SCUBE1: variants seen among roughly 807,000 people sequenced by gnomAD.
The protein encoded by SCUBE1 is signal peptide, CUB and EGF-like domain-containing protein 1.
In SCUBE1, 59 loss-of-function variants were observed where a neutral mutation model predicts 124.4. The ratio of observed to expected loss-of-function variants is 0.47; its 90% CI spans 0.38 to 0.59. SCUBE1 has a LOEUF of 0.59. Among genes scored for constraint, SCUBE1 ranks in the 20% least tolerant of loss-of-function variants. The probability of loss-of-function intolerance (pLI) is 0.00; values close to 1 mark genes in which losing one functional copy is unlikely to be tolerated. For missense variants in SCUBE1, 1,150 were observed against 1,371.2 expected (o/e 0.84, Z 2.55); for synonymous variants, 545 against 550.9 (o/e 0.99, Z 0.15).
At chr22:43,296,606 G>A (rs1199495731) in intron 3 of SCUBE1, among the ~76,000 whole-genome samples, 1 of 152,236 alleles carries the variant, frequency 6.6e-6, no homozygotes, top group Non-Finnish European at 1.5e-5. Context: ...GAGGTAGAGT[G>A]GAGAGCGGGC....
intron 1 of SCUBE1, among the ~76,000 whole-genome samples, chr22:43,341,638 G>A (rs1927319912): frequency 6.6e-6 from 1 of 152,216 alleles, no homozygotes; most frequent in Non-Finnish European, 1.5e-5. Context: ...TGTGGAGTGT[G>A]GGGAGAGGAC....
intron 2 of SCUBE1, among the ~76,000 whole-genome samples, chr22:43,321,285 C>G (rs1280766080): frequency 6.6e-6 from 1 of 152,218 alleles, no homozygotes; most frequent in East Asian, 1.9e-4. Flanking sequence ...GCAGGCCTAG[C>G]TTCCCTCAAT....
intron 3 of SCUBE1, among the ~76,000 whole-genome samples, chr22:43,319,064 C>T (rs930439332): frequency 1.3e-5 from 2 of 152,110 alleles, no homozygotes; most frequent in South Asian, 2.1e-4. Context: ...GTATTTGGAC[C>T]ATGAGAAGAT....
At position 43,223,085 on chromosome 22, in the gene SCUBE1, G is replaced by T; in HGVS notation, c.1327+12C>A. ...TGCCACAGCATCCCATCTCAGGGACGGCCCGGGTTACCTGGCACGAAGAGT... is the reference window on the plus strand; with the variant it reads ...TGCCACAGCATCCCATCTCAGGGACTGCCCGGGTTACCTGGCACGAAGAGT... On this transcript the variant is annotated intron_variant, in intron 11 of 21. Transcript: ENST00000360835. The T allele has an allele frequency of 6.6e-7, 1 of 1,523,922 alleles. No individual in the cohort carries two copies. The highest frequency in any genetic ancestry group is 8.8e-7 in the Non-Finnish European group (1 of 1,138,742). 94.4% of individuals were successfully genotyped at this position (1,523,922 alleles called of 1,614,324 possible). A position where few individuals can be genotyped will look rare whatever the true frequency, so the allele number is the denominator to read the frequency against.
chr22:43,267,465 A>G (rs1311896415), intron 4 of SCUBE1, among the ~76,000 whole-genome samples: 1 of 152,232 alleles, frequency 6.6e-6, no homozygotes, highest in African/African-American at 2.4e-5. Flanking sequence ...TGCGTGTGCT[A>G]GAAACACAGC....
chr22:43,287,380 C>G (rs975426035), intron 4 of SCUBE1, among the ~76,000 whole-genome samples: 2 of 152,228 alleles, frequency 1.3e-5, no homozygotes, highest in African/African-American at 4.8e-5. Context: ...CAGCTAGGCC[C>G]TTTTTACAGC....
chr22:43,284,592 G>A (rs1925056072), intron 4 of SCUBE1, among the ~76,000 whole-genome samples: 1 of 152,218 alleles, frequency 6.6e-6, no homozygotes, highest in South Asian at 2.1e-4. Flanking sequence ...ATCCCCCAAA[G>A]CCACTGGCAA....
intron 3 of SCUBE1, among the ~76,000 whole-genome samples, chr22:43,301,386 G>A (rs1447829906): frequency 6.6e-6 from 1 of 151,984 alleles, no homozygotes; most frequent in Non-Finnish European, 1.5e-5. Context: ...CTCTGCCCAC[G>A]TCCCCCCGGG....
chr22:43,240,192 C>A (rs191824386), intron 6 of SCUBE1, among the ~76,000 whole-genome samples: 1 of 152,146 alleles, frequency 6.6e-6, no homozygotes, highest in African/African-American at 2.4e-5. Flanking sequence ...CCATCACCAC[C>A]GTAGGATGAG....
intron 2 of SCUBE1, among the ~76,000 whole-genome samples, chr22:43,337,168 T>C (rs1323887940): frequency 6.6e-6 from 1 of 152,134 alleles, no homozygotes; most frequent in Non-Finnish European, 1.5e-5. Context: ...GGTGAGAACA[T>C]GAAGCCTACA....
At chr22:43,328,646 A>C (rs1001794523) in intron 2 of SCUBE1, among the ~76,000 whole-genome samples, 12 of 152,208 alleles carry the variant, frequency 7.9e-5, no homozygotes, top group Non-Finnish European at 1.5e-4. Flanking sequence ...TGGCAATTTG[A>C]ACTCAAGGCT....
At chr22:43,236,328 A>G (rs2146683477) in intron 7 of SCUBE1, among the ~76,000 whole-genome samples, 1 of 152,350 alleles carries the variant, frequency 6.6e-6, no homozygotes, top group South Asian at 2.1e-4. Context: ...AGTTCTAGCC[A>G]GTCCCTTGGT....
intron 3 of SCUBE1, among the ~76,000 whole-genome samples, chr22:43,309,360 T>C (rs1272069239): frequency 6.6e-6 from 1 of 152,144 alleles, no homozygotes; most frequent in African/African-American, 2.4e-5. Context: ...GAAGCAGAAT[T>C]ACTTGCTCAA....
In SCUBE1 at chr22:43,210,609, G is replaced by GC. The variant is rs1297843277; in HGVS notation, c.2383+312dup. Among the ~76,000 whole-genome samples, 10 of 152,188 alleles carry GC rather than the reference G, an allele frequency of 6.6e-5. No individual in the cohort carries two copies. Among genetic ancestry groups the GC allele is most frequent in the East Asian group, 1.9e-4 (1 of 5,192 alleles). ...CTGTCAGTGCCCCTGTAGGCTGTCA[G>GC]CCCCCCCAGCAGACCCAGAAACTAG... On this transcript the variant is annotated intron_variant, in intron 18 of 21. Transcript: ENST00000360835. The surrounding 1 kb of genome is among the most constrained non-coding windows in gnomAD (Gnocchi z 4.5).
intron 16 of SCUBE1, among the ~76,000 whole-genome samples, chr22:43,213,847 G>A (rs1921679703): frequency 6.6e-6 from 1 of 152,312 alleles, no homozygotes; most frequent in East Asian, 1.9e-4. Flanking sequence ...ACCGAGTGCA[G>A]TGCAGCGCTC....
chr22:43,249,131 G>A (rs1923336789), intron 6 of SCUBE1, among the ~76,000 whole-genome samples: 1 of 152,132 alleles, frequency 6.6e-6, no homozygotes, highest in South Asian at 2.1e-4. Flanking sequence ...AAGAGGATGT[G>A]ACCCCTGGAG....
At chr22:43,327,374 C>A (rs893471313) in intron 2 of SCUBE1, among the ~76,000 whole-genome samples, 4 of 152,150 alleles carry the variant, frequency 2.6e-5, no homozygotes, top group South Asian at 2.1e-4. Flanking sequence ...TCCAGAAAAA[C>A]CAAATCTGCT....
chr22:43,239,250 C>T (rs1294654179), intron 6 of SCUBE1, among the ~76,000 whole-genome samples: 1 of 152,242 alleles, frequency 6.6e-6, no homozygotes, highest in East Asian at 1.9e-4. Flanking sequence ...CCAATAGGGT[C>T]AAAACTGCTA....
intron 4 of SCUBE1, among the ~76,000 whole-genome samples, chr22:43,276,529 A>G (rs942121061): frequency 6.6e-6 from 1 of 152,120 alleles, no homozygotes; most frequent in East Asian, 1.9e-4. Flanking sequence ...TCACAACCCA[A>G]TTTCCCTAAT....
Sources: allele counts gnomAD v4.1 joint callset (sites outside exome capture counted in the v4.1 genomes callset), GRCh38; gene constraint gnomAD v4.1.1; non-coding constraint Gnocchi (gnomAD v3.1); transcripts MANE v1.5; gene names NCBI Gene and HGNC (gene_info 2026-07-23, HGNC 2026-07-21).